KIFC2: variants seen among roughly 807,000 people sequenced by gnomAD.
KIFC2 encodes the protein kinesin-like protein KIFC2.
A neutral mutation model predicts 91.5 loss-of-function variants in KIFC2; 94 were observed. That is an observed-to-expected ratio of 1.03 (90% CI 0.87 to 1.22). KIFC2 has a LOEUF of 1.22. Among genes scored for constraint, KIFC2 ranks in the 50% most tolerant of loss-of-function variants. KIFC2 has a pLI of 0.00. For missense variants in KIFC2, 1,357 were observed against 1,103.3 expected, an observed-to-expected ratio of 1.23 and a Z score of -3.26; for synonymous variants, 729 against 503.9, an observed-to-expected ratio of 1.45 and a Z score of -5.98.
intron 12 of KIFC2, 134 bp downstream of exon 12, chr8:144,469,781 G>A (rs535163048): frequency 2.6e-6 from 3 of 1,164,962 alleles, no homozygotes; most frequent in South Asian, 1.6e-5. Context: ...AGCCAGGAAG[G>A]AAAGGGAACC....
Position 144,468,819 on chromosome 8 carries a change from T to C in KIFC2, c.1098T>C (p.Ser366=). Reference sequence around the variant, plus strand: ...CCCAGAGCTGTCAGGGTTCGCTGAGTGAGGCCCGGGGCCAGGTCAGGACCC... The same window carrying C: ...CCCAGAGCTGTCAGGGTTCGCTGAGCGAGGCCCGGGGCCAGGTCAGGACCC... ...TFTQSCQGSL[S]EARGQVSWAL... The change falls in exon 10 of 18, where the codon AGT becomes AGC. Residue 366 remains serine, a synonymous_variant. Coordinates refer to ENST00000645548, the MANE Select transcript of KIFC2 (RefSeq NM_001369769.2). The C allele has an allele frequency of 6.2e-7, 1 of 1,613,774 alleles. No individual in the cohort carries two copies. Among genetic ancestry groups the C allele is most frequent in the South Asian group, 1.1e-5 (1 of 91,080 alleles).
In KIFC2 at chr8:144,473,831, C is replaced by T. The variant is rs530494486; in HGVS notation, c.*442C>T. On this transcript the variant is annotated 3_prime_UTR_variant, in exon 18 of 18. Transcript: ENST00000645548. ...AACCCGTTTCCCGAAAAAGGTGCTA[C>T]CTCCTTTCCAGACAGATGAGAGAGG... is the stretch of plus-strand genomic sequence containing the variant. 6 of 364,906 alleles carry T rather than the reference C, an allele frequency of 1.6e-5. No individual in the cohort carries two copies. The highest frequency in any genetic ancestry group is 7.1e-4 in the Middle Eastern group (1 of 1,406). 22.6% of individuals were successfully genotyped at this position (364,906 alleles called of 1,614,324 possible).
Position 144,467,932 on chromosome 8 carries a change from T to C in KIFC2, c.755T>C (p.Leu252Pro). The change falls in exon 7 of 18, where the codon CTC becomes CCC. Residue 252 changes from leucine (L) to proline (P), a missense_variant. Leu to Pro is a moderately conservative substitution (Grantham distance 98, BLOSUM62 -3). Coordinates refer to ENST00000645548, the MANE Select transcript of KIFC2 (RefSeq NM_001369769.2). ...ENEALKQSLS[L>P]MRDLLLHWGP... is the part of the protein sequence containing the mutation. ...GAGGCCCTGAAGCAGAGCCTGAGTC[T>C]CATGCGGGACCTCCTGCTGCACTGG... 1 of 1,609,318 alleles carries C rather than the reference T, an allele frequency of 6.2e-7. No homozygotes were observed. The highest frequency in any genetic ancestry group is 8.5e-7 in the Non-Finnish European group (1 of 1,178,514).
chr8:144,468,571 A>C lies in KIFC2; in HGVS notation c.924A>C (p.Gln308His). 1 of 1,605,590 alleles carries C rather than the reference A, an allele frequency of 6.2e-7. No individual in the cohort carries two copies. Among genetic ancestry groups the C allele is most frequent in the Non-Finnish European group, 8.5e-7 (1 of 1,176,236 alleles). Residue 308 changes from glutamine (Q) to histidine (H), a missense_variant, in exon 9 of 18, where the codon CAA becomes CAC. Physicochemically the swap from Gln to His is conservative, Grantham distance 24 (BLOSUM62 0). Transcript: ENST00000645548. ...GVQEVQLQGL[Q>H]GALQQLQQET... ...AGGAGGTGCAGCTGCAGGGCCTTCA[A>C]GGGGCCCTCCAGCAGCTCCAGCAGG... is the stretch of plus-strand genomic sequence containing the variant.
chr8:144,472,649 G>T lies in KIFC2; in HGVS notation c.1804G>T (p.Ala602Ser), dbSNP rs371551700. The change falls in exon 16 of 18, where the codon GCC becomes TCC. Residue 602 changes from alanine (A) to serine (S), a missense_variant. Coordinates refer to ENST00000645548, the MANE Select transcript of KIFC2 (RefSeq NM_001369769.2). ...GAACCAGCGCAGCTCCCGCTCGCATGCCCTGGTCACGCTGACGCTGCGCGC... is the reference window on the plus strand; with the variant it reads ...GAACCAGCGCAGCTCCCGCTCGCATTCCCTGGTCACGCTGACGCTGCGCGC... ...AMNQRSSRSH[A>S]LVTLTLRAAS... 88 of 1,600,508 alleles carry T rather than the reference G, an allele frequency of 5.5e-5. No individual in the cohort carries two copies. In the Admixed American group the frequency reaches 6.5e-4, roughly 12 times the overall value.
Position 144,469,574 on chromosome 8 carries a change from C to T in KIFC2, c.1307C>T (p.Thr436Ile), listed in dbSNP as rs767299393. The change falls in exon 12 of 18, where the codon ACC becomes ATC. Residue 436 changes from threonine (T) to isoleucine (I), a missense_variant. Coordinates refer to ENST00000645548, the MANE Select transcript of KIFC2 (RefSeq NM_001369769.2). ...SVEPGPGGTV[T>I]TCYRGRHRRF... is the part of the protein sequence containing the mutation. ...GAGCCTGGCCCAGGGGGCACCGTCA[C>T]CACCTGCTACCGGGGGCGCCATCGT... The T allele has an allele frequency of 6.2e-7, 1 of 1,613,400 alleles. No homozygotes were observed. The highest frequency in any genetic ancestry group is 8.5e-7 in the Non-Finnish European group (1 of 1,179,870).
intron 10 of KIFC2, 127 bp from the exon 11 acceptor site, chr8:144,469,144 A>C (rs1241199518): frequency 1.3e-6 from 1 of 773,988 alleles, no homozygotes. Context: ...AGAGCCACTG[A>C]AAGTTGTGGC....
rs12675537 is a variant in KIFC2 at position 144,467,512 on chromosome 8, C to T, written c.497C>T (p.Ser166Phe). The T allele has an allele frequency of 1.3e-6, 2 of 1,588,314 alleles. No individual in the cohort carries two copies. Among genetic ancestry groups the T allele is most frequent in the African/African-American group, 1.4e-5 (1 of 73,812 alleles). ...DGSTSQEESP[S>F]HFTAVPGEPL... Reference sequence around the variant, plus strand: ...TCCACATCCCAAGAAGAAAGCCCTTCCCACTTCACCGCAGTCCCAGGCGAG... The same window carrying T: ...TCCACATCCCAAGAAGAAAGCCCTTTCCACTTCACCGCAGTCCCAGGCGAG... The change falls in exon 5 of 18, where the codon TCC becomes TTC. Residue 166 changes from serine (S) to phenylalanine (F), a missense_variant. By Grantham distance (155) the Ser-to-Phe change is radical. Transcript: ENST00000645548.
Position 144,468,573 on chromosome 8 carries a change from G to A in KIFC2, c.926G>A (p.Gly309Glu), listed in dbSNP as rs200337591. Residue 309 changes from glycine (G) to glutamate (E), a missense_variant, in exon 9 of 18, where the codon GGG (glycine) becomes GAG (glutamate). Gly to Glu is a moderately conservative substitution (Grantham distance 98). Coordinates refer to ENST00000645548, the MANE Select transcript of KIFC2 (RefSeq NM_001369769.2). ...VQEVQLQGLQ[G>E]ALQQLQQETE... Reference sequence around the variant, plus strand: ...GAGGTGCAGCTGCAGGGCCTTCAAGGGGCCCTCCAGCAGCTCCAGCAGGAG... The same window carrying A: ...GAGGTGCAGCTGCAGGGCCTTCAAGAGGCCCTCCAGCAGCTCCAGCAGGAG... 170 of 1,606,450 alleles carry A rather than the reference G, an allele frequency of 1.1e-4. No individual in the cohort carries two copies. The highest frequency in any genetic ancestry group is 7.8e-4 in the Admixed American group (46 of 58,632).
rs1403577692 is a variant in KIFC2, at chr8:144,466,765, C to T, written c.105C>T (p.Ala35=). 1.3e-6 allele frequency: 2 copies of T among 1,531,092 alleles called. No homozygotes were observed. Among genetic ancestry groups the T allele is most frequent in the Non-Finnish European group, 8.7e-7 (1 of 1,145,848 alleles). 94.8% of individuals were successfully genotyped at this position (1,531,092 alleles called of 1,614,324 possible). Reference sequence around the variant, plus strand: ...CGCCCCTGCCCCCTCCCTAGAGAGCCCGCAAGCCCCGGGGTCGCCGGCGCC... The same window carrying T: ...CGCCCCTGCCCCCTCCCTAGAGAGCTCGCAAGCCCCGGGGTCGCCGGCGCC... ...AAEPGDPAQR[A]RKPRGRRRPD... Residue 35 remains alanine (A), a synonymous_variant, in exon 2 of 18, where the codon GCC becomes GCT. Transcript: ENST00000645548.
intron 16 of KIFC2, 24 bp from the exon 17 acceptor site, chr8:144,472,771 T>C: frequency 1.3e-6 from 2 of 1,591,288 alleles, no homozygotes; most frequent in Non-Finnish European, 1.7e-6. Context: ...CCTTCCCCCA[T>C]GTCGGGCTCG....
chr8:144,466,881 G>A (rs1824668592), intron 2 of KIFC2, 43 bp downstream of exon 2: 4 of 1,539,478 alleles, frequency 2.6e-6, no homozygotes, highest in Non-Finnish European at 3.5e-6. Context: ...GGCGGTGCCG[G>A]GACCTCCCAG....
chr8:144,466,644 G>A, intron 1 of KIFC2, 116 bp from the exon 2 acceptor site: 1 of 994,682 alleles, frequency 1.0e-6, no homozygotes, highest in Non-Finnish European at 1.4e-6. Context: ...CCCTCGGCTC[G>A]GCCCCGATGC....
intron 5 of KIFC2, 41 bp downstream of exon 5, chr8:144,467,671 C>G (rs1484675862): frequency 2.5e-6 from 4 of 1,606,622 alleles, no homozygotes; most frequent in Non-Finnish European, 3.4e-6. Context: ...GGCTGGGACG[C>G]CAGAAAAAGG....
Position 144,474,078 on chromosome 8 carries a change from C to T in KIFC2, c.*689C>T. The T allele has an allele frequency of 1.6e-6, 1 of 623,880 alleles. No homozygotes were observed. The highest frequency in any genetic ancestry group is 2.8e-6 in the Non-Finnish European group (1 of 359,222). The allele number at this position is 623,880 out of a possible 1,614,324, so 38.6% of individuals were successfully genotyped here. Reference sequence around the variant, plus strand: ...AGGGTTGTGCCCAGCTGGGCCACGGCCATGCGTGGGGTGGCCCAATAAACA... The same window carrying T: ...AGGGTTGTGCCCAGCTGGGCCACGGTCATGCGTGGGGTGGCCCAATAAACA... On this transcript the variant is annotated 3_prime_UTR_variant, in exon 18 of 18. Coordinates refer to ENST00000645548, the MANE Select transcript of KIFC2 (RefSeq NM_001369769.2).
At chr8:144,466,631 G>C (rs1345567638) in intron 1 of KIFC2, 113 bp downstream of exon 1, 1 of 915,636 alleles carries the variant, frequency 1.1e-6, no homozygotes, top group Non-Finnish European at 1.5e-6. Context: ...GCCGTGCCGA[G>C]GACCCTCGGC....
chr8:144,472,985 C>T lies in KIFC2; in HGVS notation c.2052C>T (p.Asp684=), dbSNP rs1824996454. The T allele has an allele frequency of 6.9e-7, 1 of 1,453,482 alleles. No homozygotes were observed. Among genetic ancestry groups the T allele is most frequent in the Middle Eastern group, 2.2e-4 (1 of 4,500 alleles). 90.0% of individuals were successfully genotyped at this position (1,453,482 alleles called of 1,614,324 possible). A position where few individuals can be genotyped will look rare whatever the true frequency, so the allele number is the denominator to read the frequency against. Residue 684 remains aspartate, a synonymous_variant, in exon 17 of 18, where the codon GAC becomes GAT. Transcript: ENST00000645548. ...ACCGGCCGCACGTGCCCTTCCGCGA[C>T]TCGCAGCTCACGCGACTGCTGCAGC... The part of the protein sequence containing the change: ...RAHRPHVPFR[D]SQLTRLLQPA...
chr8:144,467,136 G>T (rs1246561170), intron 3 of KIFC2, 26 bp downstream of exon 3: 4 of 1,610,582 alleles, frequency 2.5e-6, no homozygotes, highest in Non-Finnish European at 3.4e-6. Flanking sequence ...GGGGCTGCTG[G>T]CAGGTACCAC....
At chr8:144,471,688 C>T (rs1824930780) in intron 12 of KIFC2, among the ~76,000 whole-genome samples, 1 of 152,168 alleles carries the variant, frequency 6.6e-6, no homozygotes, top group African/African-American at 2.4e-5. Flanking sequence ...GACTCCAGAG[C>T]CTCTGCATAG....
Sources: allele counts gnomAD v4.1 joint callset (sites outside exome capture counted in the v4.1 genomes callset), GRCh38; gene constraint gnomAD v4.1.1; transcripts MANE v1.5; gene names NCBI Gene and HGNC (gene_info 2026-07-23, HGNC 2026-07-21).